ANXA7: variants seen among roughly 807,000 people sequenced by gnomAD.
The protein encoded by ANXA7 is annexin VII.
ANXA7 carries 55 observed loss-of-function variants against 64.9 expected under a neutral mutation model. That is an observed-to-expected ratio of 0.85 (90% CI 0.68 to 1.06). The LOEUF (loss-of-function observed/expected upper bound fraction) is 1.06. ANXA7 is among the 50% of genes least tolerant of loss of function. The probability of loss-of-function intolerance (pLI) is 0.00; values close to 1 mark genes in which losing one functional copy is unlikely to be tolerated. For missense variants in ANXA7, 548 were observed against 582.1 expected (o/e 0.94, Z 0.60); for synonymous variants, 200 against 192.4 (o/e 1.04, Z -0.33).
intron 1 of ANXA7, among the ~76,000 whole-genome samples, chr10:73,411,224 G>T (rs756059171): frequency 2.0e-5 from 3 of 152,136 alleles, no homozygotes; most frequent in African/African-American, 4.8e-5. Context: ...TTCTCACTGT[G>T]TAAGTGGAAG....
chr10:73,382,218 C>T (rs2055287143), intron 9 of ANXA7, among the ~76,000 whole-genome samples: 1 of 152,226 alleles, frequency 6.6e-6, no homozygotes, highest in Non-Finnish European at 1.5e-5. Context: ...TAGATCCCTC[C>T]AGATGGTCCA....
At chr10:73,388,204 G>T in intron 6 of ANXA7, 108 bp downstream of exon 6, 1 of 746,550 alleles carries the variant, frequency 1.3e-6, no homozygotes, top group Non-Finnish European at 2.3e-6. Flanking sequence ...ATCCAGGTAT[G>T]CGCACCCAGG....
intron 1 of ANXA7, among the ~76,000 whole-genome samples, chr10:73,413,442 G>A (rs1334498759): frequency 1.3e-5 from 2 of 152,288 alleles, no homozygotes; most frequent in East Asian, 3.9e-4. Flanking sequence ...CACAGGATGA[G>A]CTAATTTCAA....
intron 4 of ANXA7, 142 bp from the exon 5 acceptor site, chr10:73,396,725 A>G (rs1052180112): frequency 3.1e-4 from 170 of 547,058 alleles, no homozygotes; most frequent in Middle Eastern, 5.2e-4. Flanking sequence ...TTTTAAAAAT[A>G]TAATTTACTG....
Position 73,412,129 on chromosome 10 carries a change from G to C in ANXA7, c.-2+1883C>G, listed in dbSNP as rs903216492. 3.3e-5 allele frequency among the ~76,000 whole-genome samples: 5 copies of C among 151,998 alleles called. No individual in the cohort carries two copies. In the East Asian group the frequency reaches 9.7e-4, roughly 29 times the overall value. On this transcript the variant is annotated intron_variant, in intron 1 of 12. Transcript: ENST00000372921. ...TCAGCTTACTGCAACCTCCGCCTCC[G>C]GGGTTCAAGAGATTCTTGTGCCTCA...
At chr10:73,396,914 GTTCCTGAAGGC>G (rs1163448538) in intron 4 of ANXA7, among the ~76,000 whole-genome samples, 5 of 150,298 alleles carry the variant, frequency 3.3e-5, no homozygotes, top group African/African-American at 1.2e-4. Flanking sequence ...GGGCAGAGAA[GTTCCTGAAGGC>G]TTCCTTTTGG....
In ANXA7 at chr10:73,376,099, T is replaced by G. The variant is rs1171727602; in HGVS notation, c.1397A>C (p.Gln466Pro). ...YRRLLLAIVG[Q>P] is the part of the protein sequence containing the mutation. ...TTAAAAAAAAAAAAATCCCTCCTAC[T>G]GGCCCACAATAGCCAGAAGAAGTCT... The change falls in exon 13 of 13, where the codon CAG becomes CCG. Residue 466 changes from glutamine (Q) to proline (P), a missense_variant. Physicochemically the swap from Gln to Pro is moderately conservative, Grantham distance 76 (BLOSUM62 -1). Transcript: ENST00000372921. The G allele has an allele frequency of 1.3e-6, 2 of 1,573,016 alleles. No homozygotes were observed. The highest frequency in any genetic ancestry group is 1.7e-6 in the Non-Finnish European group (2 of 1,165,804).
At chr10:73,397,345 T>C in intron 3 of ANXA7, 71 bp from the exon 4 acceptor site, 2 of 874,844 alleles carry the variant, frequency 2.3e-6, no homozygotes, top group South Asian at 2.1e-5. Flanking sequence ...TAGAAAAATA[T>C]CTATTGTTAA....
intron 9 of ANXA7, 142 bp downstream of exon 9, chr10:73,383,033 C>A: frequency 1.5e-6 from 1 of 670,262 alleles, no homozygotes; most frequent in Non-Finnish European, 2.4e-6. Flanking sequence ...GAAATCTGTA[C>A]ACTGGTTTCT....
intron 1 of ANXA7, among the ~76,000 whole-genome samples, chr10:73,407,367 G>A (rs901678968): frequency 6.6e-6 from 1 of 152,310 alleles, no homozygotes; most frequent in South Asian, 2.1e-4. Flanking sequence ...GTGAGCCACT[G>A]TACCTGGCCT....
intron 12 of ANXA7, among the ~76,000 whole-genome samples, chr10:73,378,056 C>T (rs535790504): frequency 2.6e-5 from 4 of 151,742 alleles, no homozygotes; most frequent in African/African-American, 4.8e-5. Flanking sequence ...GAGTAAGCCA[C>T]GACACCCCGC....
At chr10:73,390,626 AATAG>A (rs1267190431) in intron 5 of ANXA7, among the ~76,000 whole-genome samples, 1 of 150,160 alleles carries the variant, frequency 6.7e-6, no homozygotes, top group Non-Finnish European at 1.5e-5. Context: ...AATACACTGG[AATAG>A]ATAAACTAAC....
At chr10:73,397,303 T>C (rs751347229) in intron 3 of ANXA7, 29 bp from the exon 4 acceptor site, 19 of 1,443,680 alleles carry the variant, frequency 1.3e-5, no homozygotes, top group East Asian at 2.3e-5. Flanking sequence ...CAATAAACTA[T>C]AGTACAGTTC....
rs1554816963 is a variant in ANXA7, at chr10:73,390,725, T to TAA, written c.436-2312_436-2311insTT. ...ATATATATATATATATATATAAAAA[T>TAA]ATATATATACACACACACACATATA... On this transcript the variant is annotated intron_variant, in intron 5 of 12. Coordinates refer to ENST00000372921, the MANE Select transcript of ANXA7 (RefSeq NM_001156.5). Among the ~76,000 whole-genome samples, 1,059 of 124,622 alleles carry TAA rather than the reference T, an allele frequency of 8.5e-3. 13 individuals are homozygous for TAA. The highest frequency in any genetic ancestry group is 0.026 in the African/African-American group (782 of 29,764). 81.8% of individuals were successfully genotyped at this position (124,622 alleles called of 152,430 possible).
In ANXA7 at chr10:73,376,121, G is replaced by C; in HGVS notation, c.1375C>G (p.Leu459Val). The C allele has an allele frequency of 1.3e-6, 2 of 1,597,738 alleles. No homozygotes were observed. Among genetic ancestry groups the C allele is most frequent in the African/African-American group, 2.7e-5 (2 of 74,034 alleles). Reference protein sequence around the residue: ...AGDTSGDYRRLLLAIVGQ With the variant: ...AGDTSGDYRRVLLAIVGQ Reference sequence around the variant, plus strand: ...TACTGGCCCACAATAGCCAGAAGAAGTCTTCGGTAATCTCCACTCGTGTCA... The same window carrying C: ...TACTGGCCCACAATAGCCAGAAGAACTCTTCGGTAATCTCCACTCGTGTCA... The change falls in exon 13 of 13, where the codon CTT becomes GTT. Residue 459 changes from leucine to valine, a missense_variant. Transcript: ENST00000372921.
At chr10:73,387,639 CAG>C (rs2055396752) in intron 7 of ANXA7, 48 bp downstream of exon 7, 3 of 1,377,920 alleles carry the variant, frequency 2.2e-6, no homozygotes, top group Non-Finnish European at 3.1e-6. Context: ...GACATGAATG[CAG>C]AGTCTACCAG....
intron 5 of ANXA7, among the ~76,000 whole-genome samples, chr10:73,390,693 A>AATATATATATATAT (rs142703167): frequency 1.1e-4 from 14 of 127,462 alleles, no homozygotes; most frequent in South Asian, 2.4e-4. Flanking sequence ...TCTTTTGTAA[A>AATATATATATATAT]ATATATATAT....
Position 73,396,602 on chromosome 10 carries a change from T to C in ANXA7, c.371-19A>G. 1 of 1,518,168 alleles carries C rather than the reference T, an allele frequency of 6.6e-7. No individual in the cohort carries two copies. 94.0% of individuals were successfully genotyped at this position (1,518,168 alleles called of 1,614,324 possible). A position where few individuals can be genotyped will look rare whatever the true frequency, so the allele number is the denominator to read the frequency against. On this transcript the variant is annotated intron_variant, in intron 4 of 12. Transcript: ENST00000372921. ...AAGCCACCTATAATGTTAAAAAAAA[T>C]AATAATAATACGGCAACAGGTCTTA...
intron 1 of ANXA7, among the ~76,000 whole-genome samples, chr10:73,405,250 A>G (rs1346726562): frequency 6.6e-6 from 1 of 150,648 alleles, no homozygotes; most frequent in African/African-American, 2.4e-5. Flanking sequence ...CAAAAAAAAA[A>G]AAAAAAGGCT....
Sources: gnomAD v4.1 joint callset for allele counts (sites outside exome capture counted in the v4.1 genomes callset) on GRCh38, gnomAD v4.1.1 for gene constraint, MANE v1.5 for transcripts, NCBI Gene and HGNC (gene_info 2026-07-23, HGNC 2026-07-21) for gene names.